The following HDAC9 variants were observed in gnomAD, a reference collection of about 807,000 sequenced individuals.
HDAC9 encodes the protein histone deacetylase 9.
HDAC9 carries 41 observed loss-of-function variants against 139.4 expected under a neutral mutation model. The ratio of observed to expected loss-of-function variants is 0.29; its 90% CI spans 0.23 to 0.38. HDAC9 has a LOEUF of 0.38. HDAC9 is among the 10% of genes least tolerant of loss of function. The pLI is 1.00. For synonymous variants in HDAC9, 517 were observed against 476.2 expected, an observed-to-expected ratio of 1.09 and a Z score of -1.12; for missense variants, 1,147 against 1,297.0, an observed-to-expected ratio of 0.88 and a Z score of 1.78.
intron 1 of HDAC9, among the ~76,000 whole-genome samples, chr7:18,340,499 C>T (rs1585253778): frequency 6.6e-6 from 1 of 151,572 alleles, no homozygotes; most frequent in East Asian, 1.9e-4. Flanking sequence ...CATTGTATCT[C>T]CTTTTATTGG....
At chr7:18,747,053 A>G (rs1267374209) in intron 13 of HDAC9, among the ~76,000 whole-genome samples, 2 of 152,186 alleles carry the variant, frequency 1.3e-5, no homozygotes, top group Non-Finnish European at 2.9e-5. Flanking sequence ...TCCGGCATAG[A>G]GGGAATAGCA....
chr7:18,108,274 G>A (rs542119354), intron 1 of HDAC9, among the ~76,000 whole-genome samples: 1 of 152,320 alleles, frequency 6.6e-6, no homozygotes, highest in South Asian at 2.1e-4. Flanking sequence ...ACAGATTCAA[G>A]TAGCAATGAC....
chr7:18,177,326 T>C (rs1178137335), intron 2 of HDAC9, among the ~76,000 whole-genome samples: 5 of 152,370 alleles, frequency 3.3e-5, no homozygotes, highest in Admixed American at 1.3e-4. Flanking sequence ...CTGTTGTCTA[T>C]GGTGCGATTA....
chr7:18,920,087 C>A (rs1245431088), intron 22 of HDAC9, among the ~76,000 whole-genome samples: 1 of 152,114 alleles, frequency 6.6e-6, no homozygotes, highest in Non-Finnish European at 1.5e-5. Context: ...TTACCTTGGG[C>A]AGTATGGCCA....
At chr7:18,647,717 A>G (rs1489394206) in intron 9 of HDAC9, 68 bp from the exon 10 acceptor site, 2 of 1,328,696 alleles carry the variant, frequency 1.5e-6, no homozygotes, top group Non-Finnish European at 1.0e-6. Flanking sequence ...AACTTGTCTA[A>G]TGATTTAGAG....
chr7:18,121,066 C>G (rs1437520822), intron 1 of HDAC9, among the ~76,000 whole-genome samples: 1 of 152,160 alleles, frequency 6.6e-6, no homozygotes, highest in East Asian at 1.9e-4. Context: ...ACTTACATCT[C>G]TGGTCACTGA....
chr7:18,969,356 C>T (rs1182399342), intron 24 of HDAC9, among the ~76,000 whole-genome samples: 2 of 152,086 alleles, frequency 1.3e-5, no homozygotes, highest in Non-Finnish European at 2.9e-5. Flanking sequence ...ACATTTTAGC[C>T]ATCCTAACAC....
intron 2 of HDAC9, among the ~76,000 whole-genome samples, chr7:18,562,966 T>C (rs1821075224): frequency 1.3e-5 from 2 of 152,186 alleles, no homozygotes; most frequent in African/African-American, 4.8e-5. Context: ...TGCACTTTTG[T>C]TAAATTTATG....
At chr7:18,365,719 A>C (rs1419910812) in intron 1 of HDAC9, among the ~76,000 whole-genome samples, 2 of 152,074 alleles carry the variant, frequency 1.3e-5, no homozygotes, top group Admixed American at 1.3e-4. Flanking sequence ...CTTGTATAGA[A>C]CAGACTATGG....
chr7:18,707,576 A>C (rs1307770951), intron 12 of HDAC9, among the ~76,000 whole-genome samples: 4 of 152,192 alleles, frequency 2.6e-5, no homozygotes. Flanking sequence ...AAAAATCAAG[A>C]TGCCAACCAT....
At chr7:18,859,540 C>T (rs67248060) in intron 21 of HDAC9, among the ~76,000 whole-genome samples, 63,880 of 149,608 alleles carry the variant, frequency 0.43, 13,833 homozygotes, top group South Asian at 0.54. Context: ...TCTCACATTG[C>T]TACGCAATTA....
rs553208627 is a variant in HDAC9 at position 18,982,307 on chromosome 7, T to C, written c.3170+6354T>C. Reference sequence around the variant, plus strand: ...AACAAAACAAAACAACTGGAAAGCATATCTGGTCATGCCTCTGCTTGAAAC... The same window carrying C: ...AACAAAACAAAACAACTGGAAAGCACATCTGGTCATGCCTCTGCTTGAAAC... On this transcript the variant is annotated intron_variant, in intron 25 of 25. Transcript: ENST00000686413. Among the ~76,000 whole-genome samples, 17 of 152,232 alleles carry C rather than the reference T, an allele frequency of 1.1e-4. No individual in the cohort carries two copies. The South Asian group carries it at 1.9e-3, about 17-fold the overall frequency.
intron 23 of HDAC9, among the ~76,000 whole-genome samples, chr7:18,950,422 C>T (rs1422112397): frequency 6.6e-6 from 1 of 152,078 alleles, no homozygotes; most frequent in Non-Finnish European, 1.5e-5. Context: ...ATCTTAAAAC[C>T]ATATCCTGAT....
At chr7:18,980,520 G>C (rs374355327) in intron 25 of HDAC9, among the ~76,000 whole-genome samples, 2 of 152,100 alleles carry the variant, frequency 1.3e-5, no homozygotes, top group African/African-American at 4.8e-5. Context: ...ATAGAGTTGT[G>C]AGAATCAAAT....
At chr7:18,281,951 C>T (rs892947678) in intron 2 of HDAC9, among the ~76,000 whole-genome samples, 3 of 152,124 alleles carry the variant, frequency 2.0e-5, no homozygotes, top group African/African-American at 7.2e-5. Context: ...TTCTGTTGAA[C>T]AATTGTTTGC....
chr7:18,814,340 A>G (rs1794408468), intron 17 of HDAC9, among the ~76,000 whole-genome samples: 1 of 152,246 alleles, frequency 6.6e-6, no homozygotes. Flanking sequence ...TAAATAACAT[A>G]AAATGAAAGA....
chr7:18,732,894 C>CACACACACGTGTGCGTATGTGT lies in HDAC9; in HGVS notation c.1909+5139_1909+5160dup, dbSNP rs1562893387. The stretch of plus-strand genomic sequence containing the variant: ...ACACACACACGTGTGCGTATGTGTA[C>CACACACACGTGTGCGTATGTGT]ACACACACGTGTGCGTATGTGTATA... On this transcript the variant is annotated intron_variant, in intron 13 of 25. Coordinates refer to ENST00000686413, the MANE Select transcript of HDAC9 (RefSeq NM_178425.4). 5.4e-3 allele frequency among the ~76,000 whole-genome samples: 211 copies of CACACACACGTGTGCGTATGTGT among 39,344 alleles called. 59 individuals carry two copies. Among genetic ancestry groups the CACACACACGTGTGCGTATGTGT allele is most frequent in the Middle Eastern group, 0.028 (2 of 72 alleles). 25.8% of individuals were successfully genotyped at this position (39,344 alleles called of 152,430 possible).
chr7:18,838,636 T>C (rs2073965), intron 21 of HDAC9, among the ~76,000 whole-genome samples: 67,286 of 151,894 alleles, frequency 0.44, 15,034 homozygotes, highest in South Asian at 0.55. Flanking sequence ...TAATTTTTAA[T>C]GTAGTATTAT....
intron 1 of HDAC9, among the ~76,000 whole-genome samples, chr7:18,105,711 A>C (rs765723678): frequency 3.9e-5 from 6 of 151,994 alleles, no homozygotes; most frequent in Middle Eastern, 3.4e-3. Context: ...CTAACCAGAG[A>C]GTTACTATAT....
Sources: allele counts gnomAD v4.1 joint callset (sites outside exome capture counted in the v4.1 genomes callset), GRCh38; gene constraint gnomAD v4.1.1; transcripts MANE v1.5; gene names NCBI Gene and HGNC (gene_info 2026-07-23, HGNC 2026-07-21).